The following ZFYVE9 variants were observed in gnomAD, a reference collection of about 807,000 sequenced individuals.
ZFYVE9 encodes zinc finger FYVE domain-containing protein 9.
ZFYVE9 carries 43 observed loss-of-function variants against 126.7 expected under a neutral mutation model. The observed-to-expected ratio is 0.34, with a 90% CI of 0.27 to 0.44. The LOEUF (loss-of-function observed/expected upper bound fraction) is 0.44, where lower values mean the gene tolerates loss of function less well. ZFYVE9 is among the 20% of genes least tolerant of loss of function. The pLI is 1.00. For missense variants in ZFYVE9, 1,476 were observed against 1,697.0 expected (o/e 0.87, Z 2.29); for synonymous variants, 521 against 597.4 (o/e 0.87, Z 1.87).
chr1:52,270,344 A>G (rs889514443), intron 7 of ZFYVE9, among the ~76,000 whole-genome samples: 20 of 152,122 alleles, frequency 1.3e-4, no homozygotes, highest in African/African-American at 4.6e-4. Flanking sequence ...GCTCACTGCA[A>G]GCTCCGCCTC....
rs1645284895 is a variant in ZFYVE9 at position 52,237,561 on chromosome 1, A to G, written c.144A>G (p.Ser48=). The G allele has an allele frequency of 1.2e-6, 2 of 1,613,902 alleles. No individual in the cohort carries two copies. Among genetic ancestry groups the G allele is most frequent in the Non-Finnish European group, 1.7e-6 (2 of 1,179,926 alleles). Residue 48 remains serine (S), a synonymous_variant, in exon 4 of 19, where the codon TCA becomes TCG. Coordinates refer to ENST00000287727, the MANE Select transcript of ZFYVE9 (RefSeq NM_004799.4). ...TAGATCCCCCTTCTCACCGGCTGTC[A>G]TTTAACCCTACTTTGGCCAGTGTGA... is the stretch of plus-strand genomic sequence containing the variant. ...KILDPPSHRL[S]FNPTLASVNE... is the part of the protein sequence containing the mutation.
chr1:52,177,183 C>G (rs1288761645), intron 1 of ZFYVE9, among the ~76,000 whole-genome samples: 2 of 149,356 alleles, frequency 1.3e-5, no homozygotes, highest in Non-Finnish European at 3.0e-5. Flanking sequence ...GACTCTCCCT[C>G]TTGTCACCCA....
intron 2 of ZFYVE9, among the ~76,000 whole-genome samples, chr1:52,224,332 G>A (rs928796325): frequency 6.6e-6 from 1 of 152,026 alleles, no homozygotes; most frequent in African/African-American, 2.4e-5. Context: ...GGGAAGGACT[G>A]AGTGTTCCAC....
intron 13 of ZFYVE9, among the ~76,000 whole-genome samples, chr1:52,325,269 A>G (rs1646279918): frequency 6.6e-6 from 1 of 152,140 alleles, no homozygotes. Context: ...CAGAGCTTGC[A>G]GTGAGCCGAG....
At chr1:52,157,554 A>C (rs1275700243) in intron 1 of ZFYVE9, among the ~76,000 whole-genome samples, 1 of 151,142 alleles carries the variant, frequency 6.6e-6, no homozygotes, top group Non-Finnish European at 1.5e-5. Flanking sequence ...GGTGCCCACC[A>C]CCACACCTGG....
intron 13 of ZFYVE9, 105 bp downstream of exon 13, chr1:52,304,030 A>G: frequency 3.0e-6 from 2 of 660,252 alleles, no homozygotes; most frequent in Non-Finnish European, 4.6e-6. Context: ...TAACAATGAA[A>G]TCAGTTAATA....
chr1:52,334,979 A>G, intron 15 of ZFYVE9: 1 of 410,892 alleles, frequency 2.4e-6, no homozygotes, highest in Non-Finnish European at 4.4e-6. Context: ...AAACTAGGAG[A>G]TGGCCTTTCA....
chr1:52,183,925 A>G (rs1473507938), intron 1 of ZFYVE9, among the ~76,000 whole-genome samples: 3 of 142,504 alleles, frequency 2.1e-5, no homozygotes, highest in Non-Finnish European at 4.6e-5. Flanking sequence ...CATGATCCTG[A>G]CCTTGTGATC....
chr1:52,341,805 A>G (rs1398923034), intron 17 of ZFYVE9, among the ~76,000 whole-genome samples: 2 of 152,242 alleles, frequency 1.3e-5, no homozygotes, highest in African/African-American at 4.8e-5. Flanking sequence ...ATCCTGCATA[A>G]CAGGCTCCAT....
At position 52,253,647 on chromosome 1, in the gene ZFYVE9, TG is replaced by T; in HGVS notation, c.2179-10124del. 4 of 1,515,392 alleles carry T rather than the reference TG, an allele frequency of 2.6e-6. No homozygotes were observed. The South Asian group carries it at 4.5e-5, about 17-fold the overall frequency. The allele number at this position is 1,515,392 out of a possible 1,614,324, so 93.9% of individuals were successfully genotyped here. ...TGACCACACCAAACAAGGCACCTCCTGGTACTGACCCTGAGCAGTTGGAAAA... is the reference window on the plus strand; with the variant it reads ...TGACCACACCAAACAAGGCACCTCCTGTACTGACCCTGAGCAGTTGGAAAA... On this transcript the variant is annotated intron_variant, in intron 4 of 18. Transcript: ENST00000287727.
chr1:52,264,068 A>C, intron 5 of ZFYVE9, 196 bp downstream of exon 5: 1 of 352,216 alleles, frequency 2.8e-6, no homozygotes, highest in Non-Finnish European at 5.2e-6. Flanking sequence ...GCCTAATTTA[A>C]TGAATAAATG....
At chr1:52,196,939 A>G (rs1453433403) in intron 1 of ZFYVE9, among the ~76,000 whole-genome samples, 1 of 152,164 alleles carries the variant, frequency 6.6e-6, no homozygotes, top group Non-Finnish European at 1.5e-5. Flanking sequence ...GGTCTTAGTA[A>G]GGAGTCTTGA....
At chr1:52,249,735 T>C (rs973473671) in intron 4 of ZFYVE9, among the ~76,000 whole-genome samples, 3 of 152,250 alleles carry the variant, frequency 2.0e-5, no homozygotes, top group Non-Finnish European at 4.4e-5. Context: ...TGTTGTCTTC[T>C]AAGTGTTTTG....
intron 12 of ZFYVE9, among the ~76,000 whole-genome samples, chr1:52,299,404 T>C (rs1557508128): frequency 6.6e-6 from 1 of 152,244 alleles, no homozygotes; most frequent in African/African-American, 2.4e-5. Flanking sequence ...CTTTTATTTC[T>C]TTCTCTTGCC....
chr1:52,254,183 C>A, intron 4 of ZFYVE9: 1 of 588,708 alleles, frequency 1.7e-6, no homozygotes. Flanking sequence ...AATAAGGTGA[C>A]TTTAAAATGA....
chr1:52,202,596 G>C (rs1410464637), intron 1 of ZFYVE9, among the ~76,000 whole-genome samples: 1 of 151,670 alleles, frequency 6.6e-6, no homozygotes. Context: ...CTTATTTATT[G>C]ATGCATTCCG....
intron 9 of ZFYVE9, among the ~76,000 whole-genome samples, chr1:52,281,195 C>T (rs759820955): frequency 2.0e-4 from 29 of 148,198 alleles, no homozygotes; most frequent in Non-Finnish European, 2.7e-4. Flanking sequence ...TGCAGTGGCT[C>T]GATCTCGGCT....
intron 1 of ZFYVE9, among the ~76,000 whole-genome samples, chr1:52,185,834 C>T (rs952115096): frequency 2.7e-5 from 4 of 150,398 alleles, no homozygotes; most frequent in African/African-American, 4.9e-5. Context: ...ACTGGAGAAT[C>T]GCTTGAACCT....
intron 13 of ZFYVE9, among the ~76,000 whole-genome samples, chr1:52,317,122 A>C (rs940708724): frequency 6.6e-6 from 1 of 152,252 alleles, no homozygotes; most frequent in Non-Finnish European, 1.5e-5. Flanking sequence ...AAGGAAAATT[A>C]TAAAATATTT....
Sources: allele counts gnomAD v4.1 joint callset (sites outside exome capture counted in the v4.1 genomes callset), GRCh38; gene constraint gnomAD v4.1.1; transcripts MANE v1.5; gene names NCBI Gene and HGNC (gene_info 2026-07-23, HGNC 2026-07-21).